Variants in FAM120B observed in about 807,000 individuals in gnomAD.
FAM120B encodes the protein family with sequence similarity 120 member B, also known as constitutive coactivator of peroxisome proliferator-activated receptor gamma.
In FAM120B, 83 loss-of-function variants were observed where a neutral mutation model predicts 96.3. The ratio of observed to expected loss-of-function variants is 0.86; its 90% CI spans 0.72 to 1.03. FAM120B has a LOEUF of 1.03. Among genes scored for constraint, FAM120B ranks in the 50% least tolerant of loss-of-function variants. The pLI, the probability that FAM120B is intolerant of heterozygous loss-of-function variation, is 0.00. For synonymous variants in FAM120B, 407 were observed against 402.7 expected (o/e 1.01, Z -0.13); for missense variants, 1,027 against 1,121.2 (o/e 0.92, Z 1.20).
chr6:170,390,366 A>G (rs1215651925), intron 7 of FAM120B, among the ~76,000 whole-genome samples: 1 of 152,254 alleles, frequency 6.6e-6, no homozygotes, highest in East Asian at 1.9e-4. Flanking sequence ...GACTGTAGAA[A>G]TGAAAGGTAA....
chr6:170,321,628 A>T (rs1785294350), intron 2 of FAM120B, among the ~76,000 whole-genome samples: 1 of 151,826 alleles, frequency 6.6e-6, no homozygotes, highest in Admixed American at 6.6e-5. Flanking sequence ...ATCCACCTCG[A>T]CCTCCCAAAG....
At chr6:170,379,487 A>T (rs1169178503) in intron 6 of FAM120B, among the ~76,000 whole-genome samples, 1 of 152,166 alleles carries the variant, frequency 6.6e-6, no homozygotes, top group East Asian at 1.9e-4. Context: ...TTACCAGTTG[A>T]GCATCTCTAA....
At chr6:170,311,759 G>A (rs1784610357) in intron 1 of FAM120B, among the ~76,000 whole-genome samples, 1 of 152,196 alleles carries the variant, frequency 6.6e-6, no homozygotes, top group Admixed American at 6.5e-5. Flanking sequence ...GGTGCTTGCT[G>A]AATGAGTAAG....
intron 6 of FAM120B, among the ~76,000 whole-genome samples, chr6:170,379,595 G>A (rs935164447): frequency 1.1e-4 from 16 of 152,166 alleles, no homozygotes; most frequent in Non-Finnish European, 7.4e-5. Context: ...TTCAGATTCT[G>A]TATTTTTAGA....
rs755628443 is a variant in FAM120B at position 170,295,733 on chromosome 6, T to C, written c.48+280T>C. Among the ~76,000 whole-genome samples the C allele has an allele frequency of 6.6e-6, 1 of 151,900 alleles. No homozygotes were observed. The highest frequency in any genetic ancestry group is 1.5e-5 in the Non-Finnish European group (1 of 67,942). On this transcript the variant is annotated intron_variant, in intron 1 of 10. Transcript: ENST00000537664. This position sits in a 1 kb window ranked among gnomAD's most constrained non-coding sequence, Gnocchi z 7.8. ...TTTCCTTTCTCAGGATCCGCGGCCG[T>C]GCAGAGAACAGGAAGACGGGCTCCA...
At chr6:170,307,513 G>A (rs777539271) in intron 1 of FAM120B, among the ~76,000 whole-genome samples, 4 of 152,246 alleles carry the variant, frequency 2.6e-5, no homozygotes, top group Non-Finnish European at 5.9e-5. Context: ...AGAGTTTTAA[G>A]TAGGAGTTGG....
chr6:170,380,896 T>TG (rs890846830), intron 6 of FAM120B, among the ~76,000 whole-genome samples: 6 of 152,198 alleles, frequency 3.9e-5, no homozygotes, highest in East Asian at 1.9e-4. Context: ...GCCTGAGCCT[T>TG]GGGGGGTCAC....
intron 8 of FAM120B, among the ~76,000 whole-genome samples, chr6:170,392,255 T>C (rs146369209): frequency 6.6e-6 from 1 of 152,314 alleles, no homozygotes; most frequent in Non-Finnish European, 1.5e-5. Context: ...TTGCCCAGGC[T>C]GGAGTGCAGT....
intron 9 of FAM120B, among the ~76,000 whole-genome samples, chr6:170,401,043 G>T (rs1013346955): frequency 6.6e-6 from 1 of 152,232 alleles, no homozygotes; most frequent in African/African-American, 2.4e-5. Flanking sequence ...GCAGAGAACA[G>T]TGTCCAGAAA....
intron 4 of FAM120B, among the ~76,000 whole-genome samples, chr6:170,334,789 G>T (rs999890757): frequency 1.3e-5 from 2 of 152,188 alleles, no homozygotes; most frequent in Admixed American, 6.5e-5. Context: ...GTTAAATTTT[G>T]CATTACTACT....
intron 6 of FAM120B, among the ~76,000 whole-genome samples, chr6:170,373,133 C>T (rs1048370383): frequency 6.6e-6 from 1 of 152,198 alleles, no homozygotes; most frequent in Non-Finnish European, 1.5e-5. Flanking sequence ...GTTTTAGGAA[C>T]TTTAAGAACT....
At chr6:170,368,280 T>C (rs1485243771) in intron 6 of FAM120B, among the ~76,000 whole-genome samples, 5 of 152,158 alleles carry the variant, frequency 3.3e-5, no homozygotes, top group African/African-American at 4.8e-5. Context: ...CACCATGCAC[T>C]CCCTTTACTT....
At chr6:170,376,490 G>C (rs935257270) in intron 6 of FAM120B, among the ~76,000 whole-genome samples, 1 of 151,372 alleles carries the variant, frequency 6.6e-6, no homozygotes, top group African/African-American at 2.4e-5. Flanking sequence ...GGGTGGGGGG[G>C]AGGCGGGCAG....
rs12662367 is a variant in FAM120B at position 170,328,760 on chromosome 6, C to T, written c.1916-1689C>T. Among the ~76,000 whole-genome samples the T allele has an allele frequency of 2.0e-5, 3 of 152,102 alleles. No individual in the cohort carries two copies. The South Asian group carries it at 6.2e-4, about 32-fold the overall frequency. On this transcript the variant is annotated intron_variant, in intron 3 of 10. Transcript: ENST00000476287. ...CTCTGGGCCATTTGTTGACTTCCTC[C>T]TACAGGGTCCACATAGTTTTGCTTA...
upstream of FAM120B, among the ~76,000 whole-genome samples, chr6:170,303,538 G>A (rs369200548): frequency 3.6e-4 from 55 of 152,266 alleles, no homozygotes; most frequent in East Asian, 8.3e-3. Context: ...CAATGTGCCC[G>A]GCCTTATGCT....
chr6:170,401,218 G>T (rs1419057755), intron 9 of FAM120B, among the ~76,000 whole-genome samples: 1 of 152,196 alleles, frequency 6.6e-6, no homozygotes, highest in Non-Finnish European at 1.5e-5. Flanking sequence ...GAACCCCCCA[G>T]TCGCCCCGGT....
chr6:170,394,384 A>G lies in FAM120B; in HGVS notation c.2600-1103A>G, dbSNP rs571104929. Among the ~76,000 whole-genome samples the G allele has an allele frequency of 3.3e-5, 5 of 152,368 alleles. No individual in the cohort carries two copies. The South Asian group carries it at 1.0e-3, about 32-fold the overall frequency. ...AGGACCTGTATCTGGGCCCCAGACAAGGGGGTTGGTCCTGAGGGCAGCCCA... is the reference window on the plus strand; with the variant it reads ...AGGACCTGTATCTGGGCCCCAGACAGGGGGGTTGGTCCTGAGGGCAGCCCA... On this transcript the variant is annotated intron_variant, in intron 8 of 10. Transcript: ENST00000476287.
chr6:170,393,170 T>G (rs1583309855), intron 8 of FAM120B, among the ~76,000 whole-genome samples: 2 of 145,166 alleles, frequency 1.4e-5, no homozygotes, highest in East Asian at 2.0e-4. Context: ...AAAAAAAGTC[T>G]GCACTGCATA....
intron 9 of FAM120B, among the ~76,000 whole-genome samples, chr6:170,398,075 G>A (rs1778287367): frequency 6.6e-6 from 1 of 152,388 alleles, no homozygotes; most frequent in Non-Finnish European, 1.5e-5. Context: ...GGATGGGAAA[G>A]AGGCTACGGG....
Sources: allele counts gnomAD v4.1 joint callset (sites outside exome capture counted in the v4.1 genomes callset), GRCh38; gene constraint gnomAD v4.1.1; non-coding constraint Gnocchi (gnomAD v3.1); transcripts MANE v1.5; gene names NCBI Gene and HGNC (gene_info 2026-07-23, HGNC 2026-07-21).